The following SYNJ2 variants were observed in gnomAD, a reference collection of about 807,000 sequenced individuals.
The protein encoded by SYNJ2 is synaptojanin 2.
SYNJ2 carries 116 observed loss-of-function variants against 141.3 expected under a neutral mutation model. That is an observed-to-expected ratio of 0.82 (90% CI 0.71 to 0.96). SYNJ2 has a LOEUF of 0.96. Among genes scored for constraint, SYNJ2 ranks in the 40% least tolerant of loss-of-function variants. The pLI is 0.00. For synonymous variants in SYNJ2, 745 were observed against 777.7 expected, an observed-to-expected ratio of 0.96 and a Z score of 0.70; for missense variants, 1,873 against 1,934.8, an observed-to-expected ratio of 0.97 and a Z score of 0.60.
intron 1 of SYNJ2, among the ~76,000 whole-genome samples, chr6:157,993,600 A>G (rs894024590): frequency 6.7e-6 from 1 of 148,910 alleles, no homozygotes. Flanking sequence ...TGCTCAATAC[A>G]TTTTTGCCCA....
At position 158,081,161 on chromosome 6, in the gene SYNJ2, C is replaced by T. The variant is rs145408972; in HGVS notation, c.2620C>T (p.Arg874Trp). Residue 874 changes from arginine to tryptophan, a missense_variant, in exon 19 of 27, where the codon CGG (arginine) becomes TGG (tryptophan). By Grantham distance (101) the Arg-to-Trp change is moderately radical. Coordinates refer to ENST00000355585, the MANE Select transcript of SYNJ2 (RefSeq NM_003898.4). ...AGTTCAGGAAGTCGATGTGGGTGCTCGGGAGAGGGTTTTCCAGGAAGTGTC... is the reference window on the plus strand; with the variant it reads ...AGTTCAGGAAGTCGATGTGGGTGCTTGGGAGAGGGTTTTCCAGGAAGTGTC... Reference protein sequence around the residue: ...VEVQEVDVGARERVFQEVSSF... With the variant: ...VEVQEVDVGAWERVFQEVSSF... 414 of 1,613,930 alleles carry T rather than the reference C, an allele frequency of 2.6e-4. 3 individuals carry two copies. In the East Asian group the frequency reaches 8.4e-3, roughly 33 times the overall value.
intron 9 of SYNJ2, 102 bp downstream of exon 9, chr6:158,063,974 T>A (rs1403686222): frequency 1.2e-5 from 15 of 1,222,500 alleles, no homozygotes; most frequent in Admixed American, 1.9e-5. Context: ...GAGGGTGGCA[T>A]CACCAAGACA....
rs1781470508 is a variant in SYNJ2, at chr6:158,064,945, G to A, written c.1479G>A (p.Glu493=). ...LLLVGDVYGE[E]VADKGGMLLD... The stretch of plus-strand genomic sequence containing the variant: ...TGGTTGGGGACGTCTACGGCGAGGA[G>A]GTGGCAGACAAAGGGGGCATGCTGC... The change falls in exon 11 of 27, where the codon GAG becomes GAA. Residue 493 remains glutamate (E), a synonymous_variant. Transcript: ENST00000355585. 2 of 1,612,030 alleles carry A rather than the reference G, an allele frequency of 1.2e-6. No individual in the cohort carries two copies. Among genetic ancestry groups the A allele is most frequent in the Non-Finnish European group, 1.7e-6 (2 of 1,179,068 alleles).
intron 5 of SYNJ2, among the ~76,000 whole-genome samples, chr6:158,048,657 C>T (rs1780386185): frequency 6.6e-6 from 1 of 152,190 alleles, no homozygotes; most frequent in South Asian, 2.1e-4. Flanking sequence ...TGGGTGACTC[C>T]AGCATGCAGA....
chr6:158,073,049 A>G (rs1055356305), intron 15 of SYNJ2, among the ~76,000 whole-genome samples: 13 of 143,704 alleles, frequency 9.0e-5, no homozygotes, highest in Non-Finnish European at 2.0e-4. Flanking sequence ...CAGCCTCGGC[A>G]ACAGAGCGAG....
intron 3 of SYNJ2, among the ~76,000 whole-genome samples, chr6:158,031,622 G>GTCTA (rs574813949): frequency 3.5e-4 from 53 of 151,832 alleles, no homozygotes; most frequent in African/African-American, 1.3e-3. Context: ...GGCGCAGCGT[G>GTCTA]AGGTCTGGAG....
Position 158,000,892 on chromosome 6 carries a change from C to T in SYNJ2, c.128-16312C>T, listed in dbSNP as rs890931592. Among the ~76,000 whole-genome samples, 8 of 152,152 alleles carry T rather than the reference C, an allele frequency of 5.3e-5. No homozygotes were observed. In the South Asian group the frequency reaches 1.7e-3, roughly 32 times the overall value. ...TCCTTTGGGCCACAGCTCCTCTTCC[C>T]TCCGTAGGAGGAACCATCTGGAATC... On this transcript the variant is annotated intron_variant, in intron 1 of 26. Coordinates refer to ENST00000355585, the MANE Select transcript of SYNJ2 (RefSeq NM_003898.4).
intron 5 of SYNJ2, among the ~76,000 whole-genome samples, chr6:158,054,220 C>G (rs890679934): frequency 1.3e-5 from 2 of 151,434 alleles, no homozygotes; most frequent in Non-Finnish European, 2.9e-5. Flanking sequence ...CATCCACCCA[C>G]CCATCCATCC....
At chr6:158,017,405 CTTTTTTTT>C (rs34667973) in intron 2 of SYNJ2, 115 bp downstream of exon 2, 44 of 600,432 alleles carry the variant, frequency 7.3e-5, no homozygotes, top group East Asian at 2.0e-4. Context: ...TCTCTCTCTT[CTTTTTTTT>C]TTTTTTTTTT....
At chr6:157,985,967 C>G (rs552232321) in intron 1 of SYNJ2, among the ~76,000 whole-genome samples, 14 of 152,294 alleles carry the variant, frequency 9.2e-5, no homozygotes, top group African/African-American at 2.6e-4. Flanking sequence ...GGCCACGTCT[C>G]GAGTTTAGCT....
chr6:158,028,715 C>G (rs755001557), intron 2 of SYNJ2, 41 bp from the exon 3 acceptor site: 1 of 1,597,232 alleles, frequency 6.3e-7, no homozygotes, highest in Middle Eastern at 1.9e-4. Context: ...GCGGCCGGGC[C>G]GACTTCGACC....
At chr6:158,004,113 G>A (rs1403657838) in intron 1 of SYNJ2, among the ~76,000 whole-genome samples, 1 of 152,114 alleles carries the variant, frequency 6.6e-6, no homozygotes, top group Non-Finnish European at 1.5e-5. Flanking sequence ...TGCCGAAAGG[G>A]AACCAGCTCA....
At chr6:157,981,853 G>A (rs942673796), upstream of SYNJ2, 3 of 1,008,986 alleles carry the variant, frequency 3.0e-6, no homozygotes, top group Non-Finnish European at 3.8e-6. This position sits in a 1 kb window ranked among gnomAD's most constrained non-coding sequence, Gnocchi z 6.4. Context: ...CGGGAGCGGC[G>A]GCGCAAAGTG....
At position 158,094,250 on chromosome 6, in the gene SYNJ2, T is replaced by TA. The variant is rs1445717355; in HGVS notation, c.3744+1150dup. The stretch of plus-strand genomic sequence containing the variant: ...TTCCCTGTTCAGATGCTCCTCGACT[T>TA]AAAATGGGGTTACATCCCAATAAAC... On this transcript the variant is annotated intron_variant, in intron 26 of 26. Transcript: ENST00000355585. 3.9e-5 allele frequency among the ~76,000 whole-genome samples: 6 copies of TA among 152,202 alleles called. No homozygotes were observed. The East Asian group carries it at 1.2e-3, about 29-fold the overall frequency.
intron 2 of SYNJ2, among the ~76,000 whole-genome samples, chr6:158,026,672 G>A (rs1055829793): frequency 2.0e-5 from 3 of 152,322 alleles, no homozygotes; most frequent in Admixed American, 6.5e-5. Flanking sequence ...CCCCCCACAC[G>A]GAGGCTGTTG....
In SYNJ2 at chr6:158,070,587, A is replaced by G. The variant is rs987356020; in HGVS notation, c.1940+914A>G. 5.8e-6 allele frequency: 5 copies of G among 866,638 alleles called. No individual in the cohort carries two copies. The highest frequency in any genetic ancestry group is 5.5e-5 in the African/African-American group (3 of 54,628). 53.7% of individuals were successfully genotyped at this position (866,638 alleles called of 1,614,324 possible). ...AAAGGGCTCAGAGCTGAGGAGAGCC[A>G]GGTTTCCCAGGCTCGGTGTCCTCGG... On this transcript the variant is annotated intron_variant, in intron 14 of 26. Transcript: ENST00000355585. This position sits in a 1 kb window ranked among gnomAD's most constrained non-coding sequence, Gnocchi z 4.0.
chr6:158,075,765 G>A (rs1436909826), intron 16 of SYNJ2, among the ~76,000 whole-genome samples: 1 of 152,144 alleles, frequency 6.6e-6, no homozygotes, highest in African/African-American at 2.4e-5. Flanking sequence ...CTAAAGGGTT[G>A]CCACATGGAC....
At chr6:158,051,792 C>A (rs866957272) in intron 5 of SYNJ2, among the ~76,000 whole-genome samples, 154 of 128,146 alleles carry the variant, frequency 1.2e-3, no homozygotes, top group African/African-American at 2.5e-3. Flanking sequence ...ACAAAAAATA[C>A]AAAAAAAAAA....
At chr6:158,003,981 G>T (rs527416470) in intron 1 of SYNJ2, among the ~76,000 whole-genome samples, 2 of 152,302 alleles carry the variant, frequency 1.3e-5, no homozygotes, top group South Asian at 4.1e-4. Flanking sequence ...TATTCCTTAA[G>T]CCTCCACAAG....
Sources: gnomAD v4.1 joint callset for allele counts (sites outside exome capture counted in the v4.1 genomes callset) on GRCh38, gnomAD v4.1.1 for gene constraint, Gnocchi (gnomAD v3.1) non-coding constraint, MANE v1.5 for transcripts, NCBI Gene and HGNC (gene_info 2026-07-23, HGNC 2026-07-21) for gene names.